BRIP1: variants seen among roughly 807,000 people sequenced by gnomAD.
BRIP1 encodes Fanconi anemia group J protein.
BRIP1 carries 88 observed loss-of-function variants against 119.7 expected under a neutral mutation model. The ratio of observed to expected loss-of-function variants is 0.74; its 90% confidence interval spans 0.62 to 0.88. The LOEUF is 0.88. Among genes scored for constraint, BRIP1 ranks in the 40% least tolerant of loss-of-function variants. The pLI, the probability that BRIP1 is intolerant of heterozygous loss-of-function variation, is 0.00. For synonymous variants in BRIP1, 443 were observed against 496.5 expected (o/e 0.89, Z 1.43); for missense variants, 1,259 against 1,455.4 (o/e 0.87, Z 2.20).
chr17:61,709,636 G>A lies in BRIP1; in HGVS notation c.2492+6315C>T, dbSNP rs1443651102. 6.6e-6 allele frequency among the ~76,000 whole-genome samples: 1 copy of A among 152,096 alleles called. No homozygotes were observed. The highest frequency in any genetic ancestry group is 1.5e-5 in the Non-Finnish European group (1 of 67,984). On this transcript the variant is annotated intron_variant, in intron 17 of 19. Coordinates refer to ENST00000259008, the MANE Select transcript of BRIP1 (RefSeq NM_032043.3). This position sits in a 1 kb window ranked among gnomAD's most constrained non-coding sequence, Gnocchi z 5.0. ...ATGGTAGAAAGGTATTTCTGTTAATGAAACAATTCAAAGAAAAAAGATTTC... is the reference window on the plus strand; with the variant it reads ...ATGGTAGAAAGGTATTTCTGTTAATAAAACAATTCAAAGAAAAAAGATTTC...
At position 61,849,171 on chromosome 17, in the gene BRIP1, T is replaced by C. The variant is rs876659453; in HGVS notation, c.465A>G (p.Gln155=). 1 of 1,613,348 alleles carries C rather than the reference T, an allele frequency of 6.2e-7. No individual in the cohort carries two copies. Among genetic ancestry groups the C allele is most frequent in the African/African-American group, 1.3e-5 (1 of 75,024 alleles). Reference sequence around the variant, plus strand: ...AGGGTCGAATTCTTTTCTTCTCTACTTGAAAATCATCATTTTCATCTCTGT... The same window carrying C: ...AGGGTCGAATTCTTTTCTTCTCTACCTGAAAATCATCATTTTCATCTCTGT... ...SIYRDENDDF[Q]VEKKRIRPLE... Residue 155 remains glutamine (Q), a synonymous_variant, in exon 5 of 20, where the codon CAA becomes CAG. Coordinates refer to ENST00000259008, the MANE Select transcript of BRIP1 (RefSeq NM_032043.3).
Position 61,762,505 on chromosome 17 carries a change from A to T in BRIP1, c.2097+13896T>A, listed in dbSNP as rs981258849. 6.6e-6 allele frequency among the ~76,000 whole-genome samples: 1 copy of T among 152,170 alleles called. No homozygotes were observed. The highest frequency in any genetic ancestry group is 2.4e-5 in the African/African-American group (1 of 41,454). On this transcript the variant is annotated intron_variant, in intron 14 of 19. Transcript: ENST00000259008. This position sits in a 1 kb window ranked among gnomAD's most constrained non-coding sequence, Gnocchi z 4.3. The stretch of plus-strand genomic sequence containing the variant: ...AAGGAGTTAATGTCCAAAATATATA[A>T]GAAACTCAAACAACTCATTAGCAAG...
rs187531084 is a variant in BRIP1 at position 61,693,209 on chromosome 17, G to T, written c.2575+221C>A. On this transcript the variant is annotated intron_variant, in intron 18 of 19. Transcript: ENST00000259008. This position sits in a 1 kb window ranked among gnomAD's most constrained non-coding sequence, Gnocchi z 4.2. The stretch of plus-strand genomic sequence containing the variant: ...TATAGCGGTGGTTGTCAGTGGACAG[G>T]GGGGAGAGGGACATGGGGCATTGCT... Among the ~76,000 whole-genome samples, 42 of 152,188 alleles carry T rather than the reference G, an allele frequency of 2.8e-4. No individual in the cohort carries two copies. Among genetic ancestry groups the T allele is most frequent in the South Asian group, 1.0e-3 (5 of 4,810 alleles).
chr17:61,807,575 T>C lies in BRIP1; in HGVS notation c.918+892A>G, dbSNP rs1012994352. Among the ~76,000 whole-genome samples, 16 of 152,098 alleles carry C rather than the reference T, an allele frequency of 1.1e-4. No individual in the cohort carries two copies. Among genetic ancestry groups the C allele is most frequent in the African/African-American group, 3.9e-4 (16 of 41,428 alleles). ...AAACAAAATAATTCACATTATATGG[T>C]AGGGGGTGATATATCAATGAAATGA... On this transcript the variant is annotated intron_variant, in intron 7 of 19. Coordinates refer to ENST00000259008, the MANE Select transcript of BRIP1 (RefSeq NM_032043.3). The surrounding 1 kb of genome is among the most constrained non-coding windows in gnomAD (Gnocchi z 4.5).
Position 61,816,840 on chromosome 17 carries a change from T to C in BRIP1, c.628-8083A>G, listed in dbSNP as rs1417021150. The stretch of plus-strand genomic sequence containing the variant: ...ATCTTCTTTAAATAAGAATGCCAGC[T>C]AAGAATTGTAAATAAAATGATAGAA... On this transcript the variant is annotated intron_variant, in intron 6 of 19. Coordinates refer to ENST00000259008, the MANE Select transcript of BRIP1 (RefSeq NM_032043.3). The surrounding 1 kb of genome is among the most constrained non-coding windows in gnomAD (Gnocchi z 5.0). Among the ~76,000 whole-genome samples the C allele has an allele frequency of 6.6e-6, 1 of 152,176 alleles. No homozygotes were observed. Among genetic ancestry groups the C allele is most frequent in the Non-Finnish European group, 1.5e-5 (1 of 68,034 alleles).
chr17:61,747,902 A>ATTT (rs35956751), intron 14 of BRIP1, among the ~76,000 whole-genome samples: 3,964 of 141,130 alleles, frequency 0.028, 92 homozygotes, highest in Non-Finnish European at 0.04. Flanking sequence ...TGCCCTGGTA[A>ATTT]TTTTTTTTTT....
In BRIP1 at chr17:61,841,245, C is replaced by G. The variant is rs575036884; in HGVS notation, c.627+5856G>C. ...AGTATCAAACTAAAAAGCTTCTGCA[C>G]AGCAAAGGAAACAACAGAGTATAGA... is the stretch of plus-strand genomic sequence containing the variant. On this transcript the variant is annotated intron_variant, in intron 6 of 19. Transcript: ENST00000259008. The surrounding 1 kb of genome is among the most constrained non-coding windows in gnomAD (Gnocchi z 4.1). Among the ~76,000 whole-genome samples the G allele has an allele frequency of 6.6e-6, 1 of 151,696 alleles. No homozygotes were observed. The highest frequency in any genetic ancestry group is 6.6e-5 in the Admixed American group (1 of 15,218).
In BRIP1 at chr17:61,823,761, C is replaced by CAT. The variant is rs1053676796; in HGVS notation, c.628-15005_628-15004insAT. On this transcript the variant is annotated intron_variant, in intron 6 of 19. Transcript: ENST00000259008. The surrounding 1 kb of genome is among the most constrained non-coding windows in gnomAD (Gnocchi z 4.8). ...AATGACCCCAAGCACACAATAAACA[C>CAT]ACACACACACACACACACACACACA... Among the ~76,000 whole-genome samples the CAT allele has an allele frequency of 7.4e-5, 8 of 108,792 alleles. No individual in the cohort carries two copies. The highest frequency in any genetic ancestry group is 1.1e-4 in the Non-Finnish European group (6 of 56,966). The allele number at this position is 108,792 out of a possible 152,430, so 71.4% of individuals were successfully genotyped here.
chr17:61,783,466 C>T (rs1470978976), intron 11 of BRIP1, among the ~76,000 whole-genome samples: 1 of 152,010 alleles, frequency 6.6e-6, no homozygotes, highest in Non-Finnish European at 1.5e-5. Context: ...TTCTGGAAAT[C>T]TCTGGAAATG....
Position 61,778,728 on chromosome 17 carries a change from T to C in BRIP1, c.1935+1533A>G, listed in dbSNP as rs1472415503. 6.6e-6 allele frequency among the ~76,000 whole-genome samples: 1 copy of C among 152,200 alleles called. No individual in the cohort carries two copies. The highest frequency in any genetic ancestry group is 3.2e-3 in the Middle Eastern group (1 of 316). ...GAAAGCAACTTGAAAACGTGGAACATGTATTCTTCCTTCACTGCTGTTCAT... is the reference window on the plus strand; with the variant it reads ...GAAAGCAACTTGAAAACGTGGAACACGTATTCTTCCTTCACTGCTGTTCAT... On this transcript the variant is annotated intron_variant, in intron 13 of 19. Coordinates refer to ENST00000259008, the MANE Select transcript of BRIP1 (RefSeq NM_032043.3). This position sits in a 1 kb window ranked among gnomAD's most constrained non-coding sequence, Gnocchi z 4.4.
In BRIP1 at chr17:61,706,090, G is replaced by C. The variant is rs2061686330; in HGVS notation, c.2492+9861C>G. Among the ~76,000 whole-genome samples, 1 of 152,062 alleles carries C rather than the reference G, an allele frequency of 6.6e-6. No individual in the cohort carries two copies. The highest frequency in any genetic ancestry group is 2.4e-5 in the African/African-American group (1 of 41,436). ...TTTGCTTCATGTATTTTGAAACCCT[G>C]TTTTGGGGTGCATACACATTTATGA... is the stretch of plus-strand genomic sequence containing the variant. On this transcript the variant is annotated intron_variant, in intron 17 of 19. Transcript: ENST00000259008. This position sits in a 1 kb window ranked among gnomAD's most constrained non-coding sequence, Gnocchi z 5.7.
Position 61,778,956 on chromosome 17 carries a change from C to T in BRIP1, c.1935+1305G>A, listed in dbSNP as rs1451622308. 6.6e-6 allele frequency among the ~76,000 whole-genome samples: 1 copy of T among 152,102 alleles called. No individual in the cohort carries two copies. Among genetic ancestry groups the T allele is most frequent in the Non-Finnish European group, 1.5e-5 (1 of 68,012 alleles). On this transcript the variant is annotated intron_variant, in intron 13 of 19. Coordinates refer to ENST00000259008, the MANE Select transcript of BRIP1 (RefSeq NM_032043.3). This position sits in a 1 kb window ranked among gnomAD's most constrained non-coding sequence, Gnocchi z 4.4. Reference sequence around the variant, plus strand: ...GTGTTAGGCACACAGGTGATGTTAACTTAACCACTTTAGCATTAACCACAG... The same window carrying T: ...GTGTTAGGCACACAGGTGATGTTAATTTAACCACTTTAGCATTAACCACAG...
At chr17:61,781,068 A>G (rs2145100059) in intron 11 of BRIP1, 63 bp from the exon 12 acceptor site, 3 of 1,503,788 alleles carry the variant, frequency 2.0e-6, no homozygotes, top group South Asian at 1.1e-5. Flanking sequence ...CCAGCTACAT[A>G]CAATATAAAA....
In BRIP1 at chr17:61,810,823, T is replaced by C. The variant is rs914396794; in HGVS notation, c.628-2066A>G. ...AGTGTATAACTTACTGACCTTCATA[T>C]ATACATATCTTTCATATCTTTTTTT... On this transcript the variant is annotated intron_variant, in intron 6 of 19. Coordinates refer to ENST00000259008, the MANE Select transcript of BRIP1 (RefSeq NM_032043.3). The surrounding 1 kb of genome is among the most constrained non-coding windows in gnomAD (Gnocchi z 4.7). Among the ~76,000 whole-genome samples the C allele has an allele frequency of 9.9e-5, 15 of 152,232 alleles. No individual in the cohort carries two copies. Among genetic ancestry groups the C allele is most frequent in the Non-Finnish European group, 1.8e-4 (12 of 68,026 alleles).
intron 14 of BRIP1, among the ~76,000 whole-genome samples, chr17:61,764,622 T>G (rs942627960): frequency 2.0e-5 from 3 of 152,188 alleles, no homozygotes; most frequent in African/African-American, 7.2e-5. Flanking sequence ...TTAAAGATTG[T>G]AACCAAGATG....
chr17:61,731,274 A>G (rs1020676477), intron 16 of BRIP1, among the ~76,000 whole-genome samples: 16 of 152,206 alleles, frequency 1.1e-4, no homozygotes, highest in African/African-American at 3.9e-4. Flanking sequence ...TAAGTATTAC[A>G]GCACTTTAAG....
intron 16 of BRIP1, among the ~76,000 whole-genome samples, chr17:61,732,103 C>T (rs530284927): frequency 3.0e-4 from 44 of 148,712 alleles, no homozygotes; most frequent in African/African-American, 1.0e-3. Context: ...TGTCTAGTGT[C>T]TCAGCCTCCC....
At chr17:61,718,553 C>T (rs2061918995) in intron 16 of BRIP1, among the ~76,000 whole-genome samples, 1 of 152,216 alleles carries the variant, frequency 6.6e-6, no homozygotes, top group Non-Finnish European at 1.5e-5. Context: ...ATGCAGATAC[C>T]TGGAGCTTTC....
intron 14 of BRIP1, among the ~76,000 whole-genome samples, chr17:61,772,546 C>T (rs1395327747): frequency 6.6e-6 from 1 of 152,006 alleles, no homozygotes; most frequent in Non-Finnish European, 1.5e-5. Context: ...AGGCCGAACG[C>T]AGTGGCTCAC....
Sources: gnomAD v4.1 joint callset for allele counts (sites outside exome capture counted in the v4.1 genomes callset) on GRCh38, gnomAD v4.1.1 for gene constraint, Gnocchi (gnomAD v3.1) non-coding constraint, MANE v1.5 for transcripts, NCBI Gene and HGNC (gene_info 2026-07-23, HGNC 2026-07-21) for gene names.